The following PCDH9 variants were observed in gnomAD, a reference collection of about 807,000 sequenced individuals.
PCDH9 encodes the protein protocadherin 9.
A neutral mutation model predicts 70.6 loss-of-function variants in PCDH9; 24 were observed. That is an observed-to-expected ratio of 0.34 (90% CI 0.25 to 0.48). The LOEUF (loss-of-function observed/expected upper bound fraction) is 0.48. Among genes scored for constraint, PCDH9 ranks in the 20% least tolerant of loss-of-function variants. PCDH9 has a pLI of 0.99. For missense variants in PCDH9, 1,281 were observed against 1,503.6 expected (o/e 0.85, Z 2.45); for synonymous variants, 562 against 558.5 (o/e 1.01, Z -0.09).
chr13:67,059,840 A>G (rs565457416), intron 2 of PCDH9, among the ~76,000 whole-genome samples: 27 of 149,120 alleles, frequency 1.8e-4, no homozygotes, highest in African/African-American at 6.7e-4. Flanking sequence ...TAACAACAAC[A>G]TTTTGTATCT....
In PCDH9 at chr13:67,014,767, C is replaced by T. The variant is rs571921058; in HGVS notation, c.3037-111162G>A. On this transcript the variant is annotated intron_variant, in intron 2 of 4. Transcript: ENST00000377865. ...CCTCCTATGATCTTATTCTCCCCTC[C>T]GAACTTCCATTGCCTCCATCCACCA... Among the ~76,000 whole-genome samples, 42 of 152,092 alleles carry T rather than the reference C, an allele frequency of 2.8e-4. No individual in the cohort carries two copies. The South Asian group carries it at 2.9e-3, about 11-fold the overall frequency.
At chr13:66,759,736 T>A (rs2079593866) in intron 3 of PCDH9, among the ~76,000 whole-genome samples, 1 of 62,352 alleles carries the variant, frequency 1.6e-5, no homozygotes, top group African/African-American at 5.3e-5. Context: ...TAATTTTACT[T>A]GAGTCCTTCC....
chr13:67,165,977 GTT>G (rs2088105949), intron 2 of PCDH9, among the ~76,000 whole-genome samples: 1 of 152,130 alleles, frequency 6.6e-6, no homozygotes, highest in African/African-American at 2.4e-5. Flanking sequence ...CAAGTAATGA[GTT>G]AACCACATTC....
intron 2 of PCDH9, among the ~76,000 whole-genome samples, chr13:67,156,374 A>G (rs1369662611): frequency 6.6e-6 from 1 of 152,228 alleles, no homozygotes; most frequent in South Asian, 2.1e-4. Context: ...GAGCACATCA[A>G]TGAAAGAAGG....
At chr13:66,441,318 C>T (rs1449279840) in intron 4 of PCDH9, among the ~76,000 whole-genome samples, 1 of 152,052 alleles carries the variant, frequency 6.6e-6, no homozygotes, top group Non-Finnish European at 1.5e-5. Flanking sequence ...GAGCTATAGA[C>T]AAATTTTGTA....
At chr13:66,659,750 C>G (rs1337132759) in intron 3 of PCDH9, among the ~76,000 whole-genome samples, 1 of 151,594 alleles carries the variant, frequency 6.6e-6, no homozygotes, top group East Asian at 1.9e-4. Flanking sequence ...ATCTTCTGTT[C>G]TCAACTTAAC....
intron 2 of PCDH9, among the ~76,000 whole-genome samples, chr13:67,157,331 A>G (rs2087840921): frequency 6.6e-6 from 1 of 152,190 alleles, no homozygotes; most frequent in Non-Finnish European, 1.5e-5. Flanking sequence ...TTTCTTGGCA[A>G]CTGGATTTTC....
intron 3 of PCDH9, among the ~76,000 whole-genome samples, chr13:66,665,666 A>G (rs892441536): frequency 6.6e-6 from 1 of 152,086 alleles, no homozygotes; most frequent in East Asian, 1.9e-4. Context: ...GATGTAGTCT[A>G]TTTTTTAATG....
intron 3 of PCDH9, among the ~76,000 whole-genome samples, chr13:66,779,849 C>CTCTCTCTCTCTCTATATA (rs1395244975): frequency 7.6e-5 from 6 of 78,902 alleles, no homozygotes; most frequent in African/African-American, 3.1e-4. Flanking sequence ...CTCTCTCTCT[C>CTCTCTCTCTCTCTATATA]TATATATATA....
intron 2 of PCDH9, among the ~76,000 whole-genome samples, chr13:67,012,807 A>G (rs1235457048): frequency 6.6e-6 from 1 of 152,000 alleles, no homozygotes; most frequent in East Asian, 1.9e-4. Flanking sequence ...AAAGAGTCAC[A>G]CTGTAGCGAA....
chr13:66,984,846 G>A (rs972625807), intron 2 of PCDH9, among the ~76,000 whole-genome samples: 1 of 152,014 alleles, frequency 6.6e-6, no homozygotes, highest in Admixed American at 6.6e-5. Flanking sequence ...GGGTCACTGG[G>A]CTTTTAATAA....
At chr13:66,940,492 AT>A (rs1187911628) in intron 2 of PCDH9, among the ~76,000 whole-genome samples, 1 of 152,130 alleles carries the variant, frequency 6.6e-6, no homozygotes, top group Non-Finnish European at 1.5e-5. Context: ...CAAATTTCTG[AT>A]TATCTTAGTA....
intron 2 of PCDH9, among the ~76,000 whole-genome samples, chr13:66,957,156 T>G (rs1003502695): frequency 9.2e-5 from 14 of 152,312 alleles, no homozygotes; most frequent in African/African-American, 3.4e-4. Context: ...AAATTACATT[T>G]GCACTTTGGC....
chr13:66,622,526 T>A (rs968963957), intron 4 of PCDH9, among the ~76,000 whole-genome samples: 3 of 152,116 alleles, frequency 2.0e-5, no homozygotes, highest in African/African-American at 7.2e-5. Flanking sequence ...ACACCCTGTG[T>A]CTAGCTCAGG....
intron 3 of PCDH9, among the ~76,000 whole-genome samples, chr13:66,695,857 G>T (rs1406765144): frequency 6.6e-6 from 1 of 152,046 alleles, no homozygotes. Flanking sequence ...TCCTATATTA[G>T]CATGGCTATT....
At chr13:66,920,055 C>T (rs1234114452) in intron 2 of PCDH9, among the ~76,000 whole-genome samples, 2 of 150,962 alleles carry the variant, frequency 1.3e-5, no homozygotes, top group South Asian at 2.1e-4. Flanking sequence ...GCTCCCCTTA[C>T]AGATACTGTT....
At chr13:66,702,419 G>A (rs1420838889) in intron 3 of PCDH9, among the ~76,000 whole-genome samples, 2 of 152,108 alleles carry the variant, frequency 1.3e-5, no homozygotes, top group Non-Finnish European at 2.9e-5. Flanking sequence ...ACTGAAGGAG[G>A]GGGGAAATGG....
intron 4 of PCDH9, among the ~76,000 whole-genome samples, chr13:66,560,873 T>C (rs940588859): frequency 2.0e-5 from 3 of 152,220 alleles, no homozygotes; most frequent in Non-Finnish European, 4.4e-5. Flanking sequence ...ATGTAAGTCA[T>C]ATAAAGGACT....
chr13:66,411,109 A>G (rs2324935), intron 4 of PCDH9, among the ~76,000 whole-genome samples: 65,134 of 152,042 alleles, frequency 0.43, 14,804 homozygotes, highest in South Asian at 0.53. Context: ...TACTCATATC[A>G]CAGGAAAATA....
Sources: gnomAD v4.1 joint callset for allele counts (sites outside exome capture counted in the v4.1 genomes callset) on GRCh38, gnomAD v4.1.1 for gene constraint, MANE v1.5 for transcripts, NCBI Gene and HGNC (gene_info 2026-07-23, HGNC 2026-07-21) for gene names.